PCDH9: variants seen among roughly 807,000 people sequenced by gnomAD.
The protein encoded by PCDH9 is protocadherin-9.
PCDH9 carries 24 observed loss-of-function variants against 70.6 expected under a neutral mutation model. That is an observed-to-expected ratio of 0.34 (90% CI 0.25 to 0.48). PCDH9 has a LOEUF of 0.48. PCDH9 is among the 20% of genes least tolerant of loss of function. PCDH9 has a pLI of 0.99. For synonymous variants in PCDH9, 562 were observed against 558.5 expected, an observed-to-expected ratio of 1.01 and a Z score of -0.09; for missense variants, 1,281 against 1,503.6, an observed-to-expected ratio of 0.85 and a Z score of 2.45.
rs201138102 is a variant in PCDH9, at chr13:67,059,370, G to A, written c.3037-155765C>T. 1.1e-3 allele frequency among the ~76,000 whole-genome samples: 150 copies of A among 140,878 alleles called. 7 individuals are homozygous for A. In the South Asian group the frequency reaches 0.031, roughly 29 times the overall value. 92.4% of individuals were successfully genotyped at this position (140,878 alleles called of 152,430 possible). ...TATATATATTATATATATATAGTGT[G>A]TATATATATATATAGTATATAGTAT... On this transcript the variant is annotated intron_variant, in intron 2 of 4. Coordinates refer to ENST00000377865, the MANE Select transcript of PCDH9 (RefSeq NM_203487.3).
At chr13:66,631,823 G>A (rs544746411) in intron 3 of PCDH9, among the ~76,000 whole-genome samples, 1 of 152,292 alleles carries the variant, frequency 6.6e-6, no homozygotes, top group Non-Finnish European at 1.5e-5. Context: ...ACCAGACATT[G>A]TGCTTACTTG....
At chr13:67,008,526 T>C (rs952137852) in intron 2 of PCDH9, among the ~76,000 whole-genome samples, 2 of 152,146 alleles carry the variant, frequency 1.3e-5, no homozygotes, top group African/African-American at 4.8e-5. Flanking sequence ...ATAGACTTTT[T>C]ACATAGATAT....
At chr13:66,684,274 A>T (rs1053048874) in intron 3 of PCDH9, among the ~76,000 whole-genome samples, 4 of 152,166 alleles carry the variant, frequency 2.6e-5, no homozygotes, top group Non-Finnish European at 5.9e-5. Context: ...AAAATTGATC[A>T]TTTCTCTGAT....
chr13:66,632,991 A>G (rs1294616874), intron 3 of PCDH9, among the ~76,000 whole-genome samples: 1 of 152,178 alleles, frequency 6.6e-6, no homozygotes, highest in Admixed American at 6.5e-5. Flanking sequence ...GGTTAGAAAC[A>G]AAATAGTATA....
intron 2 of PCDH9, among the ~76,000 whole-genome samples, chr13:67,004,489 A>G (rs888497978): frequency 2.0e-5 from 3 of 150,586 alleles, no homozygotes; most frequent in Non-Finnish European, 4.4e-5. Flanking sequence ...CCCGGGAGGC[A>G]GAAGTTGCAG....
chr13:67,149,314 C>G (rs371613766), intron 2 of PCDH9, among the ~76,000 whole-genome samples: 1 of 152,092 alleles, frequency 6.6e-6, no homozygotes, highest in Non-Finnish European at 1.5e-5. Flanking sequence ...GCTTTACTTC[C>G]TATGCGTGTC....
In PCDH9 at chr13:67,165,754, G is replaced by A. The variant is rs74095381; in HGVS notation, c.3036+59651C>T. Among the ~76,000 whole-genome samples the A allele has an allele frequency of 7.0e-3, 1,071 of 152,248 alleles. 14 individuals carry two copies. The highest frequency in any genetic ancestry group is 0.024 in the African/African-American group (1,017 of 41,536). Reference sequence around the variant, plus strand: ...AAAAATGTTTAACAGTTGTATAGGAGTTAATTATCTTATTTTAAAAATACA... The same window carrying A: ...AAAAATGTTTAACAGTTGTATAGGAATTAATTATCTTATTTTAAAAATACA... On this transcript the variant is annotated intron_variant, in intron 2 of 4. Coordinates refer to ENST00000377865, the MANE Select transcript of PCDH9 (RefSeq NM_203487.3).
intron 4 of PCDH9, among the ~76,000 whole-genome samples, chr13:66,312,081 CAAAT>C (rs1955571245): frequency 6.6e-6 from 1 of 152,008 alleles, no homozygotes; most frequent in East Asian, 1.9e-4. Flanking sequence ...GATAGGCAAA[CAAAT>C]AAATAGATTT....
intron 2 of PCDH9, among the ~76,000 whole-genome samples, chr13:67,191,534 A>G (rs2088914663): frequency 6.6e-6 from 1 of 152,114 alleles, no homozygotes; most frequent in Admixed American, 6.6e-5. Flanking sequence ...TAAAGTTAGG[A>G]ACACATTCTC....
At chr13:66,610,192 A>G (rs1201001184) in intron 4 of PCDH9, among the ~76,000 whole-genome samples, 1 of 152,052 alleles carries the variant, frequency 6.6e-6, no homozygotes, top group Non-Finnish European at 1.5e-5. Context: ...TCCACACGCT[A>G]AGATATTTAT....
chr13:66,766,899 G>C (rs2139264163), intron 3 of PCDH9, among the ~76,000 whole-genome samples: 1 of 151,950 alleles, frequency 6.6e-6, no homozygotes, highest in African/African-American at 2.4e-5. Flanking sequence ...ACCCCATAGT[G>C]GTTTCATTCA....
chr13:67,047,626 T>C (rs1024716232), intron 2 of PCDH9, among the ~76,000 whole-genome samples: 3 of 152,182 alleles, frequency 2.0e-5, no homozygotes, highest in Non-Finnish European at 2.9e-5. Flanking sequence ...ATAGATAAAT[T>C]CAGGGAGGAG....
chr13:67,045,235 T>G (rs1201109595), intron 2 of PCDH9, among the ~76,000 whole-genome samples: 1 of 152,198 alleles, frequency 6.6e-6, no homozygotes, highest in African/African-American at 2.4e-5. Flanking sequence ...ATGTTCTCAG[T>G]TGAGTATTTG....
intron 2 of PCDH9, among the ~76,000 whole-genome samples, chr13:67,135,224 ATATAT>A (rs2087206099): frequency 6.6e-6 from 1 of 152,134 alleles, no homozygotes; most frequent in South Asian, 2.1e-4. Context: ...AATTGTTAAA[ATATAT>A]TATTAACAAT....
intron 3 of PCDH9, among the ~76,000 whole-genome samples, chr13:66,678,150 A>T (rs1394326354): frequency 6.6e-6 from 1 of 152,088 alleles, no homozygotes; most frequent in Non-Finnish European, 1.5e-5. Flanking sequence ...TACAGTTCTC[A>T]TTTTCCTTCC....
At chr13:66,467,761 T>G (rs61957633) in intron 4 of PCDH9, among the ~76,000 whole-genome samples, 2 of 152,114 alleles carry the variant, frequency 1.3e-5, no homozygotes, top group African/African-American at 4.8e-5. Context: ...ATTTTAACCC[T>G]AAGTCCTACT....
At chr13:66,842,516 G>T (rs1012424446) in intron 3 of PCDH9, among the ~76,000 whole-genome samples, 1 of 152,018 alleles carries the variant, frequency 6.6e-6, no homozygotes, top group African/African-American at 2.4e-5. Context: ...TCCCATTGAC[G>T]ATTTGACCTC....
rs181298969 is a variant in PCDH9 at position 66,784,020 on chromosome 13, C to G, written c.3138+119484G>C. The stretch of plus-strand genomic sequence containing the variant: ...AAATAATTGAGAAAACCTTCATAAA[C>G]AAGTTAGATTATACATCAACTTCAT... On this transcript the variant is annotated intron_variant, in intron 3 of 4. Transcript: ENST00000377865. Among the ~76,000 whole-genome samples, 91 of 152,192 alleles carry G rather than the reference C, an allele frequency of 6.0e-4. 1 individual carries two copies. Among genetic ancestry groups the G allele is most frequent in the African/African-American group, 2.2e-3 (90 of 41,540 alleles).
At chr13:66,412,906 T>G (rs768576981) in intron 4 of PCDH9, among the ~76,000 whole-genome samples, 2 of 152,224 alleles carry the variant, frequency 1.3e-5, no homozygotes, top group African/African-American at 2.4e-5. Flanking sequence ...AGGCACTGAT[T>G]GTGCTAAACA....
Sources: gnomAD v4.1 joint callset for allele counts (sites outside exome capture counted in the v4.1 genomes callset) on GRCh38, gnomAD v4.1.1 for gene constraint, MANE v1.5 for transcripts, NCBI Gene and HGNC (gene_info 2026-07-23, HGNC 2026-07-21) for gene names.